The following GAS7 variants were observed in gnomAD, a reference collection of about 807,000 sequenced individuals.
GAS7 encodes the protein growth arrest specific 7, also known as growth arrest-specific protein 7.
A neutral mutation model predicts 71.1 loss-of-function variants in GAS7; 28 were observed. That is an observed-to-expected ratio of 0.39 (90% CI 0.29 to 0.54). The LOEUF (loss-of-function observed/expected upper bound fraction) is 0.54, where lower values mean the gene tolerates loss of function less well. GAS7 is among the 20% of genes least tolerant of loss of function. The probability of loss-of-function intolerance (pLI) is 0.62; values close to 1 mark genes in which losing one functional copy is unlikely to be tolerated. For synonymous variants in GAS7, 258 were observed against 245.8 expected, an observed-to-expected ratio of 1.05 and a Z score of -0.46; for missense variants, 436 against 627.8, an observed-to-expected ratio of 0.69 and a Z score of 3.27.
chr17:10,129,943 G>A (rs1382991141), intron 1 of GAS7, among the ~76,000 whole-genome samples: 1 of 152,156 alleles, frequency 6.6e-6, no homozygotes, highest in Admixed American at 6.6e-5. Flanking sequence ...GGAGGCCAAG[G>A]CAGGTGGATC....
At chr17:10,154,680 A>G (rs1391903253) in intron 1 of GAS7, among the ~76,000 whole-genome samples, 1 of 152,152 alleles carries the variant, frequency 6.6e-6, no homozygotes, top group Non-Finnish European at 1.5e-5. Flanking sequence ...AAAGAAAGAA[A>G]GAAAAACAGA....
intron 1 of GAS7, among the ~76,000 whole-genome samples, chr17:10,193,277 A>AAAAC (rs1160298654): frequency 6.6e-6 from 1 of 151,224 alleles, no homozygotes; most frequent in African/African-American, 2.4e-5. Context: ...AAAAAAAAAA[A>AAAAC]ACCCTCCAAG....
rs1193608066 is a variant in GAS7 at position 9,959,012 on chromosome 17, A to C, written c.525+190T>G. 11 of 1,416,526 alleles carry C rather than the reference A, an allele frequency of 7.8e-6. No individual in the cohort carries two copies. Among genetic ancestry groups the C allele is most frequent in the Non-Finnish European group, 1.0e-5 (11 of 1,084,580 alleles). The allele number at this position is 1,416,526 out of a possible 1,614,324, so 87.7% of individuals were successfully genotyped here. ...TCACCAGGAGAGAAGTGAAATGTGA[A>C]ATTGACAGGAGAAGGGGAGGTGGGA... is the stretch of plus-strand genomic sequence containing the variant. On this transcript the variant is annotated intron_variant, in intron 5 of 13. Transcript: ENST00000432992. The surrounding 1 kb of genome is among the most constrained non-coding windows in gnomAD (Gnocchi z 5.0).
chr17:10,071,635 CAAAT>C (rs894879234), intron 1 of GAS7, among the ~76,000 whole-genome samples: 2 of 152,060 alleles, frequency 1.3e-5, no homozygotes, highest in Non-Finnish European at 2.9e-5. Context: ...TGTGAAAAAA[CAAAT>C]AAAGGCCAGG....
intron 2 of GAS7, among the ~76,000 whole-genome samples, chr17:9,982,188 A>G (rs2070436144): frequency 6.6e-6 from 1 of 151,862 alleles, no homozygotes; most frequent in South Asian, 2.1e-4. Flanking sequence ...CCTCTAAAAT[A>G]TCCTCTGCCC....
At position 10,089,738 on chromosome 17, in the gene GAS7, T is replaced by G. The variant is rs2073560703; in HGVS notation, c.184-69841A>C. Among the ~76,000 whole-genome samples, 4 of 152,140 alleles carry G rather than the reference T, an allele frequency of 2.6e-5. No individual in the cohort carries two copies. In the South Asian group the frequency reaches 8.3e-4, roughly 32 times the overall value. On this transcript the variant is annotated intron_variant, in intron 1 of 13. Coordinates refer to ENST00000432992, the MANE Select transcript of GAS7 (RefSeq NM_201433.2). ...GGTAAGGAGGAGAGGCAGTGCTTAG[T>G]GTAAAGAAGTCATTCCTTGTCTGTT...
chr17:10,104,084 T>C (rs1193074882), intron 1 of GAS7, among the ~76,000 whole-genome samples: 1 of 152,164 alleles, frequency 6.6e-6, no homozygotes, highest in African/African-American at 2.4e-5. Context: ...TTTATTCATT[T>C]CCTTCTCCTA....
At position 9,959,435 on chromosome 17, in the gene GAS7, C is replaced by A; in HGVS notation, c.472-180G>T. 1 of 1,442,630 alleles carries A rather than the reference C, an allele frequency of 6.9e-7. No homozygotes were observed. Among genetic ancestry groups the A allele is most frequent in the South Asian group, 1.5e-5 (1 of 68,294 alleles). 89.4% of individuals were successfully genotyped at this position (1,442,630 alleles called of 1,614,324 possible). ...TCTCCCTGACCCCACGCTGTTCCCA[C>A]GCCCAGCTCTCGGGCTGAAGGCGAA... On this transcript the variant is annotated intron_variant, in intron 4 of 13. Transcript: ENST00000432992. This position sits in a 1 kb window ranked among gnomAD's most constrained non-coding sequence, Gnocchi z 5.0.
chr17:9,929,331 T>C (rs924936349), intron 9 of GAS7, among the ~76,000 whole-genome samples: 5 of 152,196 alleles, frequency 3.3e-5, no homozygotes, highest in Admixed American at 6.5e-5. Flanking sequence ...GAAAAGCCCA[T>C]GAACCTGCCA....
chr17:10,166,764 T>C (rs2074296972), intron 1 of GAS7, among the ~76,000 whole-genome samples: 1 of 152,228 alleles, frequency 6.6e-6, no homozygotes, highest in East Asian at 1.9e-4. Context: ...AAAAACAATT[T>C]CAAGCACTCT....
At chr17:10,116,308 T>C (rs2142071909) in intron 1 of GAS7, among the ~76,000 whole-genome samples, 1 of 95,386 alleles carries the variant, frequency 1.0e-5, no homozygotes, top group South Asian at 4.2e-4. Context: ...AGTGAGACTC[T>C]TGCCTCAAAA....
Position 10,180,238 on chromosome 17 carries a change from G to T in GAS7, c.183+17970C>A, listed in dbSNP as rs141694566. Among the ~76,000 whole-genome samples the T allele has an allele frequency of 6.5e-3, 982 of 151,728 alleles. 38 individuals are homozygous for T. In the East Asian group the frequency reaches 0.086, roughly 13 times the overall value. On this transcript the variant is annotated intron_variant, in intron 1 of 13. Transcript: ENST00000432992. ...TGCCTGTAATCCCAGCTACTTGGGAGGCTGAGACAGGAGAATCGCTTGAAC... is the reference window on the plus strand; with the variant it reads ...TGCCTGTAATCCCAGCTACTTGGGATGCTGAGACAGGAGAATCGCTTGAAC...
intron 1 of GAS7, among the ~76,000 whole-genome samples, chr17:10,146,208 C>A (rs571565749): frequency 6.6e-6 from 1 of 152,288 alleles, no homozygotes; most frequent in African/African-American, 2.4e-5. Flanking sequence ...GGTATCTGGG[C>A]CCAAAACTAG....
At chr17:10,030,458 T>C (rs945190913) in intron 1 of GAS7, among the ~76,000 whole-genome samples, 1 of 152,202 alleles carries the variant, frequency 6.6e-6, no homozygotes, top group Non-Finnish European at 1.5e-5. Flanking sequence ...TGTGGAACTG[T>C]GGTTGGACCC....
intron 1 of GAS7, among the ~76,000 whole-genome samples, chr17:10,148,764 G>A (rs2074140955): frequency 6.6e-6 from 1 of 151,816 alleles, no homozygotes; most frequent in Non-Finnish European, 1.5e-5. Flanking sequence ...ACAAGAATTA[G>A]CTGGGCATGG....
intron 1 of GAS7, among the ~76,000 whole-genome samples, chr17:10,192,071 A>G (rs1360082962): frequency 6.6e-6 from 1 of 152,126 alleles, no homozygotes. Context: ...AGGTGGGTGG[A>G]TCCTCTTAAG....
At chr17:10,060,785 T>C (rs2073211504) in intron 1 of GAS7, among the ~76,000 whole-genome samples, 1 of 152,206 alleles carries the variant, frequency 6.6e-6, no homozygotes, top group African/African-American at 2.4e-5. Context: ...TGTGGCAGTT[T>C]CCTGTAACAT....
intron 1 of GAS7, among the ~76,000 whole-genome samples, chr17:10,122,353 C>T (rs2073911484): frequency 6.6e-6 from 1 of 152,204 alleles, no homozygotes; most frequent in African/African-American, 2.4e-5. Context: ...CAGACACGTG[C>T]ACACTGAGAT....
intron 2 of GAS7, among the ~76,000 whole-genome samples, chr17:10,002,422 T>A (rs978249194): frequency 6.6e-6 from 1 of 152,012 alleles, no homozygotes; most frequent in African/African-American, 2.4e-5. Flanking sequence ...TTTATTTTTT[T>A]AATTATACTT....
Sources: allele counts gnomAD v4.1 joint callset (sites outside exome capture counted in the v4.1 genomes callset), GRCh38; gene constraint gnomAD v4.1.1; non-coding constraint Gnocchi (gnomAD v3.1); transcripts MANE v1.5; gene names NCBI Gene and HGNC (gene_info 2026-07-23, HGNC 2026-07-21).